The following KPNA5 variants were observed in gnomAD, a reference collection of about 807,000 sequenced individuals.
KPNA5 encodes karyopherin subunit alpha 5, also known as importin subunit alpha-6.
KPNA5 carries 46 observed loss-of-function variants against 71.3 expected under a neutral mutation model. The ratio of observed to expected loss-of-function variants is 0.65; its 90% CI spans 0.51 to 0.83. The LOEUF (loss-of-function observed/expected upper bound fraction) is 0.83, where lower values mean the gene tolerates loss of function less well. Ranked by LOEUF, KPNA5 falls within the 40% of genes least tolerant of loss-of-function variation. KPNA5 has a pLI of 0.00. For synonymous variants in KPNA5, 207 were observed against 201.4 expected (o/e 1.03, Z -0.24); for missense variants, 547 against 628.3 (o/e 0.87, Z 1.38).
chr6:116,713,924 G>C (rs920160046), intron 7 of KPNA5, among the ~76,000 whole-genome samples: 3 of 151,998 alleles, frequency 2.0e-5, no homozygotes, highest in Non-Finnish European at 2.9e-5. Flanking sequence ...TCTATTTGTT[G>C]AGACATTGTT....
In KPNA5 at chr6:116,740,155, AAAAC is replaced by A. The variant is rs780655881; in HGVS notation, c.*7835_*7838del. On this transcript the variant is annotated 3_prime_UTR_variant, in exon 14 of 14. Coordinates refer to ENST00000368564, the MANE Select transcript of KPNA5 (RefSeq NM_001366306.2). ...TGAACTCAAACAAATTTACAAGAAA[AAAAC>A]AACCCCATCAAAAAGTGGGTGAAGG... 1 of 151,012 alleles carries A rather than the reference AAAAC, an allele frequency of 6.6e-6. No individual in the cohort carries two copies. Among genetic ancestry groups the A allele is most frequent in the Non-Finnish European group, 1.5e-5 (1 of 67,340 alleles). The allele number at this position is 151,012 out of a possible 1,614,324, so 9.4% of individuals were successfully genotyped here.
chr6:116,685,013 C>T (rs910330304), intron 1 of KPNA5, among the ~76,000 whole-genome samples: 11 of 152,124 alleles, frequency 7.2e-5, no homozygotes, highest in African/African-American at 4.8e-5. Context: ...CCGTATTATC[C>T]GTCAGTTCTA....
At chr6:116,715,446 A>AC (rs1778851858) in intron 7 of KPNA5, among the ~76,000 whole-genome samples, 1 of 152,138 alleles carries the variant, frequency 6.6e-6, no homozygotes, top group African/African-American at 2.4e-5. Flanking sequence ...TGAGAAGAAA[A>AC]ATTCTCATTT....
chr6:116,724,523 A>G, intron 10 of KPNA5, 148 bp downstream of exon 10: 1 of 562,962 alleles, frequency 1.8e-6, no homozygotes, highest in Non-Finnish European at 3.2e-6. Flanking sequence ...GGATGGTGAG[A>G]TGTCAAAGAA....
In KPNA5 at chr6:116,732,353, A is replaced by C; in HGVS notation, c.*30A>C. ...CTGGAGGAAAAAAAATTTATGGCTA[A>C]AAAGGGTAGCTTCAGGTAACTCCTC... is the stretch of plus-strand genomic sequence containing the variant. On this transcript the variant is annotated 3_prime_UTR_variant, in exon 14 of 14. Coordinates refer to ENST00000368564, the MANE Select transcript of KPNA5 (RefSeq NM_001366306.2). 1 of 1,348,064 alleles carries C rather than the reference A, an allele frequency of 7.4e-7. No individual in the cohort carries two copies. Among genetic ancestry groups the C allele is most frequent in the Non-Finnish European group, 1.0e-6 (1 of 1,003,202 alleles). 83.5% of individuals were successfully genotyped at this position (1,348,064 alleles called of 1,614,324 possible).
At chr6:116,701,117 G>A (rs1473917736) in intron 5 of KPNA5, among the ~76,000 whole-genome samples, 1 of 151,886 alleles carries the variant, frequency 6.6e-6, no homozygotes, top group Non-Finnish European at 1.5e-5. Flanking sequence ...ATTTTTCTTA[G>A]TCCTACACGT....
rs572705323 is a variant in KPNA5, at chr6:116,706,927, G to A, written c.656+1767G>A. Among the ~76,000 whole-genome samples the A allele has an allele frequency of 4.6e-5, 7 of 152,222 alleles. No homozygotes were observed. In the South Asian group the frequency reaches 1.5e-3, roughly 32 times the overall value. The stretch of plus-strand genomic sequence containing the variant: ...GCCTGTAATCCCAGCACTTTGGGGA[G>A]GCCGAGTTGGGTGGGTCATGAGGTC... On this transcript the variant is annotated intron_variant, in intron 7 of 13. Coordinates refer to ENST00000368564, the MANE Select transcript of KPNA5 (RefSeq NM_001366306.2).
intron 5 of KPNA5, 36 bp downstream of exon 5, chr6:116,698,834 G>A (rs1226148721): frequency 8.1e-7 from 1 of 1,231,498 alleles, no homozygotes; most frequent in Admixed American, 2.5e-5. Flanking sequence ...TTTTTCTCTA[G>A]AAATGACATG....
intron 4 of KPNA5, among the ~76,000 whole-genome samples, chr6:116,697,241 A>T (rs528361330): frequency 6.6e-6 from 1 of 152,222 alleles, no homozygotes; most frequent in East Asian, 1.9e-4. Context: ...AAGAATACTT[A>T]CTGTTTTATC....
rs1777400509 is a variant in KPNA5, at chr6:116,682,448, C to T, written c.4+1110C>T. On this transcript the variant is annotated intron_variant, in intron 1 of 13. Transcript: ENST00000368564. ...ATTACAACACCCAATAATGATGACT[C>T]ATATTCTGTACAAAAGTGGTTTTCT... 2.0e-5 allele frequency among the ~76,000 whole-genome samples: 3 copies of T among 152,190 alleles called. No individual in the cohort carries two copies. The South Asian group carries it at 6.2e-4, about 32-fold the overall frequency.
At chr6:116,704,290 C>T (rs1418464480) in intron 6 of KPNA5, among the ~76,000 whole-genome samples, 1 of 152,078 alleles carries the variant, frequency 6.6e-6, no homozygotes, top group Admixed American at 6.5e-5. Flanking sequence ...CTGCCCACCT[C>T]ACCTCCCAAA....
At chr6:116,690,559 C>T (rs956559110) in intron 2 of KPNA5, among the ~76,000 whole-genome samples, 8 of 149,112 alleles carry the variant, frequency 5.4e-5, no homozygotes, top group Admixed American at 4.8e-4. Flanking sequence ...AGGAGAATGG[C>T]GTGAATTCGG....
intron 1 of KPNA5, among the ~76,000 whole-genome samples, chr6:116,688,292 A>G (rs532375860): frequency 6.6e-6 from 1 of 152,278 alleles, no homozygotes; most frequent in Non-Finnish European, 1.5e-5. Context: ...GGGATGGCAG[A>G]CAGATGCCAG....
chr6:116,718,872 A>G (rs9372469), intron 8 of KPNA5, among the ~76,000 whole-genome samples: 8 of 151,704 alleles, frequency 5.3e-5, no homozygotes, highest in African/African-American at 1.7e-4. Context: ...GGTTCAAGCA[A>G]TTCTCCTGCC....
chr6:116,701,214 G>C (rs1778217939), intron 5 of KPNA5, among the ~76,000 whole-genome samples: 1 of 152,000 alleles, frequency 6.6e-6, no homozygotes, highest in South Asian at 2.1e-4. Context: ...TACGTGAAAA[G>C]TTATTTATGT....
chr6:116,688,074 A>G (rs1377827106), intron 1 of KPNA5, among the ~76,000 whole-genome samples: 1 of 152,092 alleles, frequency 6.6e-6, no homozygotes, highest in African/African-American at 2.4e-5. Context: ...TTGCCTTTGC[A>G]TATATTCCTT....
In KPNA5 at chr6:116,718,255, A is replaced by AT. The variant is rs1292967188; in HGVS notation, c.756+1947dup. On this transcript the variant is annotated intron_variant, in intron 8 of 13. Coordinates refer to ENST00000368564, the MANE Select transcript of KPNA5 (RefSeq NM_001366306.2). Reference sequence around the variant, plus strand: ...TATATGTGTTTTTCTATGTCTTTTAATTTTTTTTTTCTTTTTTTTTTTTTT... The same window carrying AT: ...TATATGTGTTTTTCTATGTCTTTTAATTTTTTTTTTTCTTTTTTTTTTTTTT... Among the ~76,000 whole-genome samples, 222 of 140,160 alleles carry AT rather than the reference A, an allele frequency of 1.6e-3. 1 individual carries two copies. The highest frequency in any genetic ancestry group is 5.1e-3 in the African/African-American group (195 of 37,920). The allele number at this position is 140,160 out of a possible 152,430, so 92.0% of individuals were successfully genotyped here.
At chr6:116,695,893 C>T (rs766111527) in intron 4 of KPNA5, among the ~76,000 whole-genome samples, 16 of 152,022 alleles carry the variant, frequency 1.1e-4, no homozygotes, top group Non-Finnish European at 1.9e-4. Flanking sequence ...TTAGAGTTTG[C>T]CACCAGTGTT....
In KPNA5 at chr6:116,685,518, A is replaced by G. The variant is rs140160127; in HGVS notation, c.5-3802A>G. 3.9e-3 allele frequency among the ~76,000 whole-genome samples: 598 copies of G among 152,266 alleles called. 14 individuals are homozygous for G. In the South Asian group the frequency reaches 0.041, roughly 10 times the overall value. On this transcript the variant is annotated intron_variant, in intron 1 of 13. Transcript: ENST00000368564. ...TGTTCTCCTCATTTAGCTCCCACTT[A>G]TAAGTAAGAACATGTGGTATTTGTT...
Sources: allele counts gnomAD v4.1 joint callset (sites outside exome capture counted in the v4.1 genomes callset), GRCh38; gene constraint gnomAD v4.1.1; transcripts MANE v1.5; gene names NCBI Gene and HGNC (gene_info 2026-07-23, HGNC 2026-07-21).